The following LIPC variants were observed in gnomAD, a reference collection of about 807,000 sequenced individuals.
LIPC encodes the protein hepatic triacylglycerol lipase.
In LIPC, 44 loss-of-function variants were observed where a neutral mutation model predicts 50.7. That is an observed-to-expected ratio of 0.87 (90% CI 0.68 to 1.11). The LOEUF (loss-of-function observed/expected upper bound fraction) is 1.11. Among genes scored for constraint, LIPC ranks in the 50% most tolerant of loss-of-function variants. The pLI is 0.00. For missense variants in LIPC, 697 were observed against 648.2 expected (o/e 1.08, Z -0.82); for synonymous variants, 271 against 256.4 (o/e 1.06, Z -0.54).
chr15:58,449,305 G>C (rs1450810172), intron 1 of LIPC, among the ~76,000 whole-genome samples: 1 of 152,210 alleles, frequency 6.6e-6, no homozygotes, highest in Non-Finnish European at 1.5e-5. Context: ...TATTTGCAAG[G>C]ATGCTCTGCT....
At chr15:58,444,857 C>A (rs1376152752) in intron 1 of LIPC, among the ~76,000 whole-genome samples, 2 of 152,216 alleles carry the variant, frequency 1.3e-5, no homozygotes, top group African/African-American at 4.8e-5. Flanking sequence ...TGACCCGGGT[C>A]CTGGGCTTGG....
intron 1 of LIPC, among the ~76,000 whole-genome samples, chr15:58,511,784 T>A (rs1892337116): frequency 6.6e-6 from 1 of 152,244 alleles, no homozygotes; most frequent in African/African-American, 2.4e-5. Flanking sequence ...GAAAAAACTG[T>A]GGTTGTAACT....
Position 58,566,262 on chromosome 15 carries a change from G to T in LIPC, c.1389-2454G>T, listed in dbSNP as rs1894362271. On this transcript the variant is annotated intron_variant, in intron 8 of 8. Transcript: ENST00000299022. ...TTGGGGCTGTGCTGCAACATGCTTT[G>T]AGGAGGCCAAGAGGTGTTCCCAGGG... The T allele has an allele frequency of 1.0e-5, 10 of 985,310 alleles. No individual in the cohort carries two copies. In the South Asian group the frequency reaches 4.2e-4, roughly 42 times the overall value. 61.0% of individuals were successfully genotyped at this position (985,310 alleles called of 1,614,324 possible). A position where few individuals can be genotyped will look rare whatever the true frequency, so the allele number is the denominator to read the frequency against.
chr15:58,567,328 T>TAC (rs1894417380), intron 8 of LIPC, among the ~76,000 whole-genome samples: 1 of 33,056 alleles, frequency 3.0e-5, no homozygotes, highest in Non-Finnish European at 6.4e-5. Context: ...TATGTGTATA[T>TAC]ATATATATAT....
intron 1 of LIPC, among the ~76,000 whole-genome samples, chr15:58,503,195 A>G (rs1297611436): frequency 2.6e-5 from 4 of 152,218 alleles, no homozygotes; most frequent in African/African-American, 7.2e-5. Flanking sequence ...GAGGTGCAGA[A>G]AAGTTAACTT....
intron 1 of LIPC, among the ~76,000 whole-genome samples, chr15:58,469,102 TTGTG>T (rs56309142): frequency 0.11 from 14,923 of 140,596 alleles, 928 homozygotes; most frequent in Non-Finnish European, 0.16. Flanking sequence ...AGGGAACATT[TTGTG>T]TGTGTGTGTG....
At chr15:58,561,095 C>A in intron 7 of LIPC, 114 bp downstream of exon 7, 7 of 751,880 alleles carry the variant, frequency 9.3e-6, no homozygotes, top group Admixed American at 5.7e-5. Flanking sequence ...TTATTCCAGA[C>A]GCAAACCAAA....
chr15:58,457,859 C>T (rs1391973311), intron 1 of LIPC, among the ~76,000 whole-genome samples: 1 of 152,140 alleles, frequency 6.6e-6, no homozygotes, highest in East Asian at 1.9e-4. Flanking sequence ...CACTCTATCC[C>T]GGGCCCATGT....
chr15:58,559,022 G>C (rs971679127), intron 6 of LIPC, among the ~76,000 whole-genome samples: 2 of 152,144 alleles, frequency 1.3e-5, no homozygotes, highest in Non-Finnish European at 2.9e-5. Flanking sequence ...CTAGAAACTT[G>C]GCAATACAGG....
At chr15:58,540,490 A>G (rs1451319694) in intron 2 of LIPC, among the ~76,000 whole-genome samples, 1 of 152,240 alleles carries the variant, frequency 6.6e-6, no homozygotes, top group Non-Finnish European at 1.5e-5. Flanking sequence ...TCAGCTAGAA[A>G]CTAGGAGAGC....
At chr15:58,523,725 C>A (rs908332604) in intron 1 of LIPC, among the ~76,000 whole-genome samples, 2 of 151,998 alleles carry the variant, frequency 1.3e-5, no homozygotes, top group African/African-American at 4.8e-5. Context: ...TTGAGACCAG[C>A]CTGAGCAACA....
intron 1 of LIPC, among the ~76,000 whole-genome samples, chr15:58,438,149 T>C (rs1351202993): frequency 6.6e-6 from 1 of 152,126 alleles, no homozygotes; most frequent in East Asian, 1.9e-4. Context: ...CTACCCACGA[T>C]GGCCCTCTCC....
chr15:58,565,346 C>T lies in LIPC; in HGVS notation c.1388+1623C>T, dbSNP rs527550721. ...ATTCCTCAGTTTAGGTGGCTGCTCA[C>T]CCTGACAATCCCATGTGGCTTGACC... On this transcript the variant is annotated intron_variant, in intron 8 of 8. Coordinates refer to ENST00000299022, the MANE Select transcript of LIPC (RefSeq NM_000236.3). The T allele has an allele frequency of 7.2e-6, 11 of 1,529,348 alleles. No individual in the cohort carries two copies. In the South Asian group the frequency reaches 1.3e-4, roughly 18 times the overall value. The allele number at this position is 1,529,348 out of a possible 1,614,324, so 94.7% of individuals were successfully genotyped here.
intron 1 of LIPC, among the ~76,000 whole-genome samples, chr15:58,443,094 G>C (rs575544015): frequency 2.6e-4 from 40 of 152,212 alleles, no homozygotes; most frequent in African/African-American, 7.9e-4. Flanking sequence ...TCTGTTTTTA[G>C]TTTAGTCGGG....
chr15:58,543,266 C>T (rs539347036), intron 4 of LIPC, among the ~76,000 whole-genome samples: 1 of 152,096 alleles, frequency 6.6e-6, no homozygotes, highest in Non-Finnish European at 1.5e-5. Context: ...CAAAAACACA[C>T]AGCTGGTGAG....
At chr15:58,466,673 T>C (rs1003711598) in intron 1 of LIPC, among the ~76,000 whole-genome samples, 24 of 152,226 alleles carry the variant, frequency 1.6e-4, no homozygotes, top group African/African-American at 5.8e-4. Flanking sequence ...TACTTTTCCC[T>C]AAACACATAA....
At chr15:58,556,011 C>G (rs1352490136) in intron 6 of LIPC, among the ~76,000 whole-genome samples, 1 of 152,182 alleles carries the variant, frequency 6.6e-6, no homozygotes, top group African/African-American at 2.4e-5. Context: ...GGGCTCAGAG[C>G]TGAGCAGTGG....
Position 58,564,000 on chromosome 15 carries a change from G to T in LIPC, c.1388+277G>T, listed in dbSNP as rs6494021. 471,478 of 476,304 alleles carry T rather than the reference G, an allele frequency of 0.99. 233,514 individuals are homozygous for T. The highest frequency in any genetic ancestry group is 1 in the East Asian group (24,016 of 24,016). The allele number at this position is 476,304 out of a possible 1,614,324, so 29.5% of individuals were successfully genotyped here. A position where few individuals can be genotyped will look rare whatever the true frequency, so the allele number is the denominator to read the frequency against. ...CTCTGGAGCCTGAGGACCATCACAC[G>T]AACCCCAGGCTTCTCAAGCTTCGGT... is the stretch of plus-strand genomic sequence containing the variant. On this transcript the variant is annotated intron_variant, in intron 8 of 8. Coordinates refer to ENST00000299022, the MANE Select transcript of LIPC (RefSeq NM_000236.3).
chr15:58,458,208 G>A (rs867744239), intron 1 of LIPC, among the ~76,000 whole-genome samples: 3 of 151,896 alleles, frequency 2.0e-5, no homozygotes, highest in Admixed American at 6.6e-5. Context: ...ATTCTGTACT[G>A]TGTCCCTTGG....
Sources: gnomAD v4.1 joint callset for allele counts (sites outside exome capture counted in the v4.1 genomes callset) on GRCh38, gnomAD v4.1.1 for gene constraint, MANE v1.5 for transcripts, NCBI Gene and HGNC (gene_info 2026-07-23, HGNC 2026-07-21) for gene names.